The following RERE variants were observed in gnomAD, a reference collection of about 807,000 sequenced individuals.
RERE encodes the protein arginine-glutamic acid dipeptide repeats.
Under a neutral mutation model 146.1 loss-of-function variants are expected in RERE, and 40 were observed. That is an observed-to-expected ratio of 0.27 (90% CI 0.21 to 0.36). The LOEUF (loss-of-function observed/expected upper bound fraction) is 0.36. RERE is among the 10% of genes least tolerant of loss of function. The pLI is 1.00. For missense variants in RERE, 1,933 were observed against 2,138.7 expected (o/e 0.90, Z 1.90); for synonymous variants, 1,003 against 866.0 (o/e 1.16, Z -2.78).
At chr1:8,553,359 C>A (rs2016084) in intron 6 of RERE, among the ~76,000 whole-genome samples, 92,796 of 151,404 alleles carry the variant, frequency 0.61, 28,797 homozygotes, top group East Asian at 0.83. Context: ...CACATCCACA[C>A]ACACACGTAA....
chr1:8,781,437 T>C (rs554054404), intron 1 of RERE, among the ~76,000 whole-genome samples: 4 of 151,246 alleles, frequency 2.6e-5, no homozygotes, highest in Middle Eastern at 3.4e-3. Context: ...GGTAGGAGGG[T>C]TGCTTAAGCC....
At chr1:8,751,801 C>T (rs1356122331) in intron 1 of RERE, among the ~76,000 whole-genome samples, 2 of 149,762 alleles carry the variant, frequency 1.3e-5, no homozygotes, top group Non-Finnish European at 3.0e-5. Context: ...AAAGAACTTA[C>T]ATTATCATCT....
intron 4 of RERE, among the ~76,000 whole-genome samples, chr1:8,559,124 AC>A (rs1646041330): frequency 6.6e-6 from 1 of 151,050 alleles, no homozygotes; most frequent in East Asian, 2.0e-4. Context: ...TAAAGTAAAT[AC>A]AAAAATTAGC....
Position 8,557,401 on chromosome 1 carries a change from C to A in RERE, c.628+17G>T. On this transcript the variant is annotated intron_variant, in intron 5 of 22. Transcript: ENST00000400908. ...AAGCTAAGAAACACACAAATCAAAC[C>A]ACAAGGACATATTTACCATTTTCAT... The A allele has an allele frequency of 6.8e-7, 1 of 1,467,370 alleles. No homozygotes were observed. The highest frequency in any genetic ancestry group is 9.6e-7 in the Non-Finnish European group (1 of 1,046,618). 90.9% of individuals were successfully genotyped at this position (1,467,370 alleles called of 1,614,324 possible). A position where few individuals can be genotyped will look rare whatever the true frequency, so the allele number is the denominator to read the frequency against.
chr1:8,579,903 C>T (rs1337853840), intron 4 of RERE, among the ~76,000 whole-genome samples: 6 of 152,196 alleles, frequency 3.9e-5, no homozygotes. Context: ...ACATGGGAGG[C>T]TGAGACAGGA....
At chr1:8,645,193 C>CA (rs1647257266) in intron 2 of RERE, among the ~76,000 whole-genome samples, 1 of 152,150 alleles carries the variant, frequency 6.6e-6, no homozygotes, top group Non-Finnish European at 1.5e-5. Flanking sequence ...TGTTGTAGCT[C>CA]CCTTACTATT....
chr1:8,548,828 C>CA (rs1408572690), intron 6 of RERE, among the ~76,000 whole-genome samples: 1 of 151,730 alleles, frequency 6.6e-6, no homozygotes, highest in East Asian at 1.9e-4. Flanking sequence ...ACTAAAAATA[C>CA]AAAAAAATTG....
At chr1:8,697,817 A>G (rs1267340201) in intron 1 of RERE, among the ~76,000 whole-genome samples, 1 of 152,204 alleles carries the variant, frequency 6.6e-6, no homozygotes, top group Non-Finnish European at 1.5e-5. Flanking sequence ...AAAAATAATA[A>G]GACTTAAAAT....
chr1:8,362,852 C>A lies in RERE; in HGVS notation c.1741-8G>T, dbSNP rs779769398. On this transcript the variant is annotated splice_polypyrimidine_tract_variant and splice_region_variant and intron_variant, in intron 15 of 22. Coordinates refer to ENST00000400908, the MANE Select transcript of RERE (RefSeq NM_001042681.2). ...ACTGCGTAGTGTCGACATCTGCCCA[C>A]CCAAACCGAAGACTGGTGACACCAG... The A allele has an allele frequency of 1.9e-6, 3 of 1,605,824 alleles. No individual in the cohort carries two copies. The South Asian group carries it at 3.3e-5, about 18-fold the overall frequency.
chr1:8,508,542 C>T (rs934277186), intron 8 of RERE, 85 bp downstream of exon 8: 6 of 1,067,790 alleles, frequency 5.6e-6, no homozygotes, highest in Non-Finnish European at 8.6e-6. Context: ...TAACCACATT[C>T]TAAGATGCTG....
Position 8,362,771 on chromosome 1 carries a change from T to C in RERE, c.1814A>G (p.Asp605Gly), listed in dbSNP as rs748305572. The C allele has an allele frequency of 6.2e-7, 1 of 1,614,188 alleles. No homozygotes were observed. The highest frequency in any genetic ancestry group is 8.5e-7 in the Non-Finnish European group (1 of 1,180,046). ...PDGRTSPINE[D>G]IRSSGRNSPS... ...GGAGTTCCGGCCGCTGGAGCGGATG[T>C]CTTCATTGATGGGTGAGGTGCGACC... Residue 605 changes from aspartate (D) to glycine (G), a missense_variant, in exon 16 of 23, where the codon GAC becomes GGC. Around this residue, in one of 11 missense-constraint regions of RERE, gnomAD observed 1,255 missense variants for 1,153.8 expected, o/e 1.09. Transcript: ENST00000400908.
At chr1:8,613,490 A>T (rs1190847290) in intron 4 of RERE, among the ~76,000 whole-genome samples, 1 of 152,160 alleles carries the variant, frequency 6.6e-6, no homozygotes, top group Non-Finnish European at 1.5e-5. Context: ...TGAAAAACAT[A>T]CCCAGCTCCT....
At chr1:8,519,010 C>T (rs1374680617) in intron 7 of RERE, among the ~76,000 whole-genome samples, 1 of 152,170 alleles carries the variant, frequency 6.6e-6, no homozygotes, top group Non-Finnish European at 1.5e-5. Flanking sequence ...CACTGTCACA[C>T]CCACACCTGA....
intron 3 of RERE, among the ~76,000 whole-genome samples, chr1:8,621,249 C>G (rs1177633627): frequency 6.6e-6 from 1 of 152,108 alleles, no homozygotes; most frequent in African/African-American, 2.4e-5. Flanking sequence ...AGACTCGATT[C>G]TAAGGGAATG....
intron 1 of RERE, among the ~76,000 whole-genome samples, chr1:8,726,001 T>C (rs1037738835): frequency 8.5e-5 from 13 of 152,080 alleles, no homozygotes; most frequent in Non-Finnish European, 1.6e-4. Flanking sequence ...TACATTTACT[T>C]CCTACCCAAC....
chr1:8,433,694 G>A (rs1644127760), intron 11 of RERE, among the ~76,000 whole-genome samples: 1 of 151,616 alleles, frequency 6.6e-6, no homozygotes, highest in Admixed American at 6.6e-5. Flanking sequence ...CCGAGTAGCT[G>A]GGACTACAGG....
At chr1:8,387,631 A>G (rs1390601304) in intron 12 of RERE, among the ~76,000 whole-genome samples, 1 of 152,232 alleles carries the variant, frequency 6.6e-6, no homozygotes, top group East Asian at 1.9e-4. Context: ...AGTAAGCAAA[A>G]GATTTATATA....
At chr1:8,626,822 G>A (rs550898442) in intron 2 of RERE, among the ~76,000 whole-genome samples, 1 of 152,284 alleles carries the variant, frequency 6.6e-6, no homozygotes, top group East Asian at 1.9e-4. Flanking sequence ...TCCAAAATGA[G>A]CCTGTCTTTG....
intron 11 of RERE, among the ~76,000 whole-genome samples, chr1:8,424,460 T>C (rs951603299): frequency 2.7e-4 from 41 of 152,214 alleles, no homozygotes; most frequent in African/African-American, 9.2e-4. Context: ...TGCTGAGATA[T>C]GACTCATCAT....
Sources: allele counts gnomAD v4.1 joint callset (sites outside exome capture counted in the v4.1 genomes callset), GRCh38; gene constraint gnomAD v4.1.1; regional missense constraint gnomAD v4.1.1; transcripts MANE v1.5; gene names NCBI Gene and HGNC (gene_info 2026-07-23, HGNC 2026-07-21).